TXK: variants seen among roughly 807,000 people sequenced by gnomAD.
The protein encoded by TXK is tyrosine-protein kinase TXK.
A neutral mutation model predicts 81.0 loss-of-function variants in TXK; 60 were observed. That is an observed-to-expected ratio of 0.74 (90% CI 0.60 to 0.92). TXK has a LOEUF of 0.92. Among genes scored for constraint, TXK ranks in the 40% least tolerant of loss-of-function variants. TXK has a pLI of 0.00. For missense variants in TXK, 581 were observed against 638.3 expected (o/e 0.91, Z 0.97); for synonymous variants, 203 against 210.7 (o/e 0.96, Z 0.32).
rs1717469807 is a variant in TXK, at chr4:48,085,121, T to C, written c.956+1345A>G. The stretch of plus-strand genomic sequence containing the variant: ...AATGTTAATTTGAACTATGGTCAAA[T>C]TATTGGCCTGTCCTGGTCCTGCTCA... On this transcript the variant is annotated intron_variant, in intron 10 of 14. Coordinates refer to ENST00000264316, the MANE Select transcript of TXK (RefSeq NM_003328.3). Among the ~76,000 whole-genome samples the C allele has an allele frequency of 2.0e-5, 3 of 152,320 alleles. No homozygotes were observed. The South Asian group carries it at 6.2e-4, about 32-fold the overall frequency.
chr4:48,067,805 C>T, intron 14 of TXK, 100 bp from the exon 15 acceptor site: 1 of 1,150,258 alleles, frequency 8.7e-7, no homozygotes, highest in Non-Finnish European at 1.3e-6. Context: ...TTATATCCCA[C>T]TGCTCGAGGT....
intron 8 of TXK, among the ~76,000 whole-genome samples, chr4:48,091,601 G>T (rs938997291): frequency 7.9e-5 from 12 of 152,134 alleles, no homozygotes; most frequent in African/African-American, 2.4e-4. Context: ...CGCCTCTCAG[G>T]TTCAAGCGAT....
intron 8 of TXK, among the ~76,000 whole-genome samples, chr4:48,092,079 A>T (rs1717798497): frequency 6.6e-6 from 1 of 152,220 alleles, no homozygotes; most frequent in African/African-American, 2.4e-5. Context: ...GGATGATGCT[A>T]GTATTATCTG....
intron 1 of TXK, among the ~76,000 whole-genome samples, chr4:48,118,737 G>A (rs1005348057): frequency 5.3e-5 from 8 of 152,100 alleles, no homozygotes; most frequent in African/African-American, 1.9e-4. Context: ...ATCCCAAGCA[G>A]TACCAATGAC....
At chr4:48,067,853 C>A in intron 14 of TXK, 148 bp from the exon 15 acceptor site, 1 of 737,046 alleles carries the variant, frequency 1.4e-6, no homozygotes, top group African/African-American at 1.7e-5. Context: ...TGCAAAAATT[C>A]AAAAAATTGC....
At chr4:48,132,120 A>G (rs1433970016) in intron 1 of TXK, among the ~76,000 whole-genome samples, 2 of 151,716 alleles carry the variant, frequency 1.3e-5, no homozygotes, top group Non-Finnish European at 2.9e-5. Context: ...GATGATATTT[A>G]AAAATTACAA....
chr4:48,111,500 T>G (rs1718630981), intron 4 of TXK, among the ~76,000 whole-genome samples: 1 of 152,236 alleles, frequency 6.6e-6, no homozygotes, highest in African/African-American at 2.4e-5. Context: ...AAAATTCAAT[T>G]TTTAAGTCTG....
chr4:48,069,574 C>T (rs937897205), intron 14 of TXK, among the ~76,000 whole-genome samples: 7 of 152,086 alleles, frequency 4.6e-5, no homozygotes, highest in African/African-American at 1.4e-4. Context: ...GATTCGCCCA[C>T]CTCAGCCTCC....
intron 9 of TXK, 195 bp downstream of exon 9, chr4:48,089,555 T>C: frequency 2.4e-6 from 1 of 411,182 alleles, no homozygotes; most frequent in Non-Finnish European, 4.7e-6. Context: ...CAAACCCGGC[T>C]AATTTTTTGT....
chr4:48,113,625 A>G (rs961336089), intron 2 of TXK, among the ~76,000 whole-genome samples: 3 of 152,200 alleles, frequency 2.0e-5, no homozygotes, highest in African/African-American at 4.8e-5. Context: ...AACTTACTCC[A>G]TATCTGGCTC....
chr4:48,122,993 C>T lies in TXK; in HGVS notation c.17-8591G>A, dbSNP rs551414793. On this transcript the variant is annotated intron_variant, in intron 1 of 14. Transcript: ENST00000264316. ...CCAAGCAGAGCAATCAGTTCTCAGC[C>T]TGGAAGCCATTGGAAAATGGTCCAG... Among the ~76,000 whole-genome samples the T allele has an allele frequency of 2.0e-5, 3 of 152,344 alleles. No homozygotes were observed. In the East Asian group the frequency reaches 5.8e-4, roughly 29 times the overall value.
chr4:48,123,341 T>C (rs1159400540), intron 1 of TXK, among the ~76,000 whole-genome samples: 1 of 152,204 alleles, frequency 6.6e-6, no homozygotes, highest in African/African-American at 2.4e-5. Context: ...TGTCTTACCT[T>C]TTCCCCAACA....
intron 14 of TXK, among the ~76,000 whole-genome samples, chr4:48,070,024 C>G (rs1408740095): frequency 6.6e-6 from 1 of 152,132 alleles, no homozygotes; most frequent in Non-Finnish European, 1.5e-5. Flanking sequence ...CATTGGGGCT[C>G]TCTATAAATG....
chr4:48,078,339 T>C (rs1717150267), intron 11 of TXK, among the ~76,000 whole-genome samples: 1 of 152,186 alleles, frequency 6.6e-6, no homozygotes, highest in South Asian at 2.1e-4. Context: ...CTGGGGCCAA[T>C]GTAATTATGC....
rs756772049 is a variant in TXK at position 48,071,598 on chromosome 4, AG to A, written c.1433del (p.Ala478ValfsTer80). On this transcript the variant is annotated frameshift_variant, in exon 14 of 15. Coordinates refer to ENST00000264316, the MANE Select transcript of TXK (RefSeq NM_003328.3). LOFTEE classifies it high-confidence loss of function. ...ENKSNLQVVEAISEGFRLYRP... is the reference protein window; with the variant it reads ...ENKSNLQVVEXISEGFRLYRP... ...GATATAGCCTGAAGCCTTCAGAAAT[AG>A]CTTCCACGACTTGCAAATTTGACTT... is the stretch of plus-strand genomic sequence containing the variant. 6.2e-7 allele frequency: 1 copy of A among 1,614,204 alleles called. No homozygotes were observed.
chr4:48,076,787 C>T (rs1471124753), intron 11 of TXK, among the ~76,000 whole-genome samples: 1 of 152,142 alleles, frequency 6.6e-6, no homozygotes, highest in African/African-American at 2.4e-5. Context: ...CATCACCACA[C>T]CCAGCTAATT....
intron 2 of TXK, among the ~76,000 whole-genome samples, chr4:48,113,519 A>G (rs559705879): frequency 6.6e-6 from 1 of 152,366 alleles, no homozygotes; most frequent in South Asian, 2.1e-4. Context: ...TGCTAAGAGC[A>G]TAGAGTTGTT....
intron 1 of TXK, among the ~76,000 whole-genome samples, chr4:48,129,137 A>G (rs891954787): frequency 7.2e-5 from 11 of 152,162 alleles, no homozygotes; most frequent in Non-Finnish European, 1.3e-4. Flanking sequence ...TTCAATTTAG[A>G]AAGTTATCCT....
chr4:48,097,741 C>G (rs1014654062), intron 6 of TXK, among the ~76,000 whole-genome samples: 5 of 144,950 alleles, frequency 3.4e-5, no homozygotes, highest in African/African-American at 1.3e-4. Context: ...CAGCCAAAAG[C>G]TACCACATTT....
Sources: gnomAD v4.1 joint callset for allele counts (sites outside exome capture counted in the v4.1 genomes callset) on GRCh38, gnomAD v4.1.1 for gene constraint, MANE v1.5 for transcripts, NCBI Gene and HGNC (gene_info 2026-07-23, HGNC 2026-07-21) for gene names.